The following WASL variants were observed in gnomAD, a reference collection of about 807,000 sequenced individuals.
WASL encodes WASP like actin nucleation promoting factor.
WASL carries 20 observed loss-of-function variants against 55.5 expected under a neutral mutation model. That is an observed-to-expected ratio of 0.36 (90% CI 0.25 to 0.52). The LOEUF is 0.52. Among genes scored for constraint, WASL ranks in the 20% least tolerant of loss-of-function variants. The pLI is 0.92. For missense variants in WASL, 504 were observed against 622.5 expected, an observed-to-expected ratio of 0.81 and a Z score of 2.03; for synonymous variants, 249 against 217.6, an observed-to-expected ratio of 1.14 and a Z score of -1.27.
intron 1 of WASL, among the ~76,000 whole-genome samples, chr7:123,718,251 G>A (rs904281115): frequency 3.9e-5 from 6 of 152,010 alleles, no homozygotes; most frequent in African/African-American, 7.3e-5. Context: ...AATGAGAGCC[G>A]CTCCCAATTA....
intron 1 of WASL, among the ~76,000 whole-genome samples, chr7:123,723,952 T>C (rs748148247): frequency 6.6e-6 from 1 of 152,216 alleles, no homozygotes; most frequent in Non-Finnish European, 1.5e-5. Flanking sequence ...GAAATCTTAA[T>C]GAAATTCAAT....
At chr7:123,699,475 C>G (rs950115437) in intron 5 of WASL, among the ~76,000 whole-genome samples, 1 of 152,140 alleles carries the variant, frequency 6.6e-6, no homozygotes, top group Non-Finnish European at 1.5e-5. Context: ...ATCAGACTCA[C>G]CAGTAAAATA....
At chr7:123,743,746 T>C (rs765399554) in intron 1 of WASL, among the ~76,000 whole-genome samples, 14 of 152,184 alleles carry the variant, frequency 9.2e-5, no homozygotes, top group Non-Finnish European at 1.9e-4. Flanking sequence ...AATGATTGAA[T>C]TACTCTTTGA....
intron 5 of WASL, among the ~76,000 whole-genome samples, chr7:123,700,125 G>A (rs1315212459): frequency 6.8e-5 from 8 of 117,030 alleles, no homozygotes; most frequent in African/African-American, 2.3e-4. Flanking sequence ...GCAGTGAGTC[G>A]AAATAGCGCC....
rs906576801 is a variant in WASL at position 123,695,935 on chromosome 7, G to A, written c.630-70C>T. The A allele has an allele frequency of 6.1e-6, 9 of 1,472,626 alleles. No individual in the cohort carries two copies. The Admixed American group carries it at 1.2e-4, about 20-fold the overall frequency. The allele number at this position is 1,472,626 out of a possible 1,614,324, so 91.2% of individuals were successfully genotyped here. On this transcript the variant is annotated intron_variant, in intron 6 of 10. Coordinates refer to ENST00000223023, the MANE Select transcript of WASL (RefSeq NM_003941.4). ...AGGGCATTATAAACACAATATATAT[G>A]AAACCCAATCTACATTTGGCTTTGA...
chr7:123,701,388 TAAG>T (rs1476782706), intron 5 of WASL, among the ~76,000 whole-genome samples: 1 of 152,142 alleles, frequency 6.6e-6, no homozygotes. Flanking sequence ...ATTAATTACA[TAAG>T]AAGCAAAGAA....
intron 3 of WASL, 32 bp from the exon 4 acceptor site, chr7:123,706,405 CAGAATGT>C (rs1803669857): frequency 6.4e-7 from 1 of 1,572,432 alleles, no homozygotes; most frequent in African/African-American, 1.4e-5. Flanking sequence ...GGGGAAACAA[CAGAATGT>C]ATGAATTTAG....
chr7:123,736,072 ACAG>A (rs1483401100), intron 1 of WASL, among the ~76,000 whole-genome samples: 1 of 152,152 alleles, frequency 6.6e-6, no homozygotes, highest in Non-Finnish European at 1.5e-5. Context: ...GAAAAAAACA[ACAG>A]CAGATTTCCT....
At chr7:123,729,638 A>G (rs1804106964) in intron 1 of WASL, among the ~76,000 whole-genome samples, 1 of 152,342 alleles carries the variant, frequency 6.6e-6, no homozygotes, top group African/African-American at 2.4e-5. Context: ...TCTACAATGT[A>G]GCACTAAAAT....
intron 6 of WASL, among the ~76,000 whole-genome samples, chr7:123,696,362 AAAAGT>A (rs1326422546): frequency 6.6e-6 from 1 of 151,918 alleles, no homozygotes; most frequent in African/African-American, 2.4e-5. Flanking sequence ...TCATAGTTGA[AAAAGT>A]AAATAAACCA....
At chr7:123,710,400 CTCTG>C (rs1803736206) in intron 1 of WASL, among the ~76,000 whole-genome samples, 1 of 151,800 alleles carries the variant, frequency 6.6e-6, no homozygotes, top group South Asian at 2.1e-4. Context: ...GGAATTTGGG[CTCTG>C]TAATAAAAAA....
chr7:123,737,614 A>C (rs939053176), intron 1 of WASL, among the ~76,000 whole-genome samples: 1 of 151,664 alleles, frequency 6.6e-6, no homozygotes, highest in African/African-American at 2.4e-5. Flanking sequence ...AAAAAAAAAA[A>C]AGCATTTCAT....
chr7:123,726,891 G>A (rs1263219284), intron 1 of WASL, among the ~76,000 whole-genome samples: 2 of 149,284 alleles, frequency 1.3e-5, no homozygotes, highest in South Asian at 2.1e-4. Flanking sequence ...TAATAATTAG[G>A]CAAGCTACAG....
chr7:123,711,050 T>C (rs1803746679), intron 1 of WASL, among the ~76,000 whole-genome samples: 1 of 152,150 alleles, frequency 6.6e-6, no homozygotes. Context: ...AGATAGCAAT[T>C]AGGAAACTAG....
chr7:123,691,143 T>A (rs1053417943), intron 9 of WASL, among the ~76,000 whole-genome samples: 5 of 152,320 alleles, frequency 3.3e-5, no homozygotes, highest in African/African-American at 7.2e-5. Flanking sequence ...TACCCTCCTT[T>A]TAGACAAAGT....
chr7:123,720,688 T>C (rs1430362944), intron 1 of WASL, among the ~76,000 whole-genome samples: 3 of 149,990 alleles, frequency 2.0e-5, no homozygotes, highest in Non-Finnish European at 4.4e-5. Context: ...TCTCATTCTC[T>C]CGCCCAGGCT....
At chr7:123,711,840 C>T (rs575787195) in intron 1 of WASL, among the ~76,000 whole-genome samples, 1 of 152,074 alleles carries the variant, frequency 6.6e-6, no homozygotes, top group South Asian at 2.1e-4. Context: ...TCTTATTACC[C>T]TAATAATGTT....
intron 5 of WASL, among the ~76,000 whole-genome samples, chr7:123,702,937 A>G (rs1011428750): frequency 2.8e-4 from 42 of 152,228 alleles, no homozygotes; most frequent in African/African-American, 9.9e-4. Flanking sequence ...TACTTTCCCC[A>G]AAGTGTTTCG....
chr7:123,715,635 G>C, intron 1 of WASL, among the ~76,000 whole-genome samples: 1 of 152,090 alleles, frequency 6.6e-6, no homozygotes, highest in East Asian at 1.9e-4. Flanking sequence ...TTCATTATCA[G>C]TGCACATTCC....
Sources: gnomAD v4.1 joint callset for allele counts (sites outside exome capture counted in the v4.1 genomes callset) on GRCh38, gnomAD v4.1.1 for gene constraint, MANE v1.5 for transcripts, NCBI Gene and HGNC (gene_info 2026-07-23, HGNC 2026-07-21) for gene names.